NLN: variants seen among roughly 807,000 people sequenced by gnomAD.
NLN encodes the protein neurolysin, mitochondrial.
In NLN, 64 loss-of-function variants were observed where a neutral mutation model predicts 79.9. That is an observed-to-expected ratio of 0.80 (90% confidence interval 0.65 to 0.99). NLN has a LOEUF of 0.99. Among genes scored for constraint, NLN ranks in the 50% least tolerant of loss-of-function variants. The probability of loss-of-function intolerance (pLI) is 0.00; values close to 1 mark genes in which losing one functional copy is unlikely to be tolerated. For missense variants in NLN, 835 were observed against 858.7 expected (o/e 0.97, Z 0.34); for synonymous variants, 267 against 296.6 (o/e 0.90, Z 1.02).
At chr5:65,789,941 T>C (rs1046378313) in intron 8 of NLN, among the ~76,000 whole-genome samples, 3 of 152,206 alleles carry the variant, frequency 2.0e-5, no homozygotes, top group African/African-American at 4.8e-5. Flanking sequence ...TGTTTCTTCC[T>C]CTGTAATATG....
At chr5:65,746,674 CAT>C (rs1758986810) in intron 1 of NLN, among the ~76,000 whole-genome samples, 2 of 152,220 alleles carry the variant, frequency 1.3e-5, no homozygotes, top group African/African-American at 2.4e-5. Flanking sequence ...TACTCCAGCA[CAT>C]GTGTGTATAA....
At chr5:65,770,084 A>G (rs936092175) in intron 3 of NLN, among the ~76,000 whole-genome samples, 1 of 152,248 alleles carries the variant, frequency 6.6e-6, no homozygotes, top group African/African-American at 2.4e-5. Flanking sequence ...AAGTCATAAA[A>G]GACTAGAGCT....
At chr5:65,769,676 A>T (rs770228115) in intron 3 of NLN, among the ~76,000 whole-genome samples, 1 of 152,210 alleles carries the variant, frequency 6.6e-6, no homozygotes, top group Non-Finnish European at 1.5e-5. Context: ...ACTGCCTTAC[A>T]TTTGTGTAGC....
In NLN at chr5:65,827,279, A is replaced by G. The variant is rs754679431; in HGVS notation, c.*4364A>G. On this transcript the variant is annotated 3_prime_UTR_variant, in exon 13 of 13. Coordinates refer to ENST00000380985, the MANE Select transcript of NLN (RefSeq NM_020726.5). ...CCTTTCCTGAGAAAATACAGGTTCAACACATCTAGTCCACGATGTACGTAC... is the reference window on the plus strand; with the variant it reads ...CCTTTCCTGAGAAAATACAGGTTCAGCACATCTAGTCCACGATGTACGTAC... 7 of 152,180 alleles carry G rather than the reference A, an allele frequency of 4.6e-5. No homozygotes were observed. The highest frequency in any genetic ancestry group is 7.3e-5 in the Non-Finnish European group (5 of 68,042). 9.4% of individuals were successfully genotyped at this position (152,180 alleles called of 1,614,324 possible). A position where few individuals can be genotyped will look rare whatever the true frequency, so the allele number is the denominator to read the frequency against.
At chr5:65,779,808 T>A (rs1759759817) in intron 4 of NLN, among the ~76,000 whole-genome samples, 1 of 152,234 alleles carries the variant, frequency 6.6e-6, no homozygotes, top group Admixed American at 6.5e-5. Context: ...TGCAGAAACC[T>A]GTTTTATCAA....
chr5:65,786,369 A>G lies in NLN; in HGVS notation c.958+459A>G, dbSNP rs569631230. 3.3e-5 allele frequency among the ~76,000 whole-genome samples: 5 copies of G among 152,176 alleles called. No individual in the cohort carries two copies. In the South Asian group the frequency reaches 8.3e-4, roughly 25 times the overall value. ...ACAAAACTAATATAAAATAATATAC[A>G]TAAAACTAGTATCTAATAACTAATA... On this transcript the variant is annotated intron_variant, in intron 7 of 12. Transcript: ENST00000380985.
chr5:65,820,467 G>A (rs563979033), intron 12 of NLN, among the ~76,000 whole-genome samples: 30 of 152,218 alleles, frequency 2.0e-4, no homozygotes, highest in South Asian at 4.1e-4. Context: ...CGTTCTTCCT[G>A]TACTGCTCTA....
chr5:65,733,668 T>C, intron 1 of NLN: 1 of 1,462,692 alleles, frequency 6.8e-7, no homozygotes, highest in Admixed American at 1.7e-5. Context: ...AAGGCCTGAT[T>C]AGTGGGATGG....
chr5:65,727,705 C>T (rs979772499), intron 1 of NLN, among the ~76,000 whole-genome samples: 5 of 152,090 alleles, frequency 3.3e-5, no homozygotes, highest in African/African-American at 1.2e-4. Flanking sequence ...CAATATTTAG[C>T]CGAAACAATA....
At chr5:65,800,358 A>T (rs1468474887) in intron 9 of NLN, among the ~76,000 whole-genome samples, 1 of 152,210 alleles carries the variant, frequency 6.6e-6, no homozygotes, top group East Asian at 1.9e-4. Flanking sequence ...AGTACATTTT[A>T]GACATCCTAT....
At chr5:65,817,267 G>T (rs1318053165) in intron 12 of NLN, among the ~76,000 whole-genome samples, 2 of 152,032 alleles carry the variant, frequency 1.3e-5, no homozygotes, top group Admixed American at 1.3e-4. Flanking sequence ...TAATTACTTT[G>T]TTATATATTA....
At chr5:65,802,548 C>T (rs1435867912) in intron 9 of NLN, among the ~76,000 whole-genome samples, 1 of 152,212 alleles carries the variant, frequency 6.6e-6, no homozygotes, top group Non-Finnish European at 1.5e-5. Flanking sequence ...CACAGCATGG[C>T]GAGCAAGGGG....
chr5:65,767,225 G>T (rs746777033), intron 3 of NLN, among the ~76,000 whole-genome samples: 1 of 152,160 alleles, frequency 6.6e-6, no homozygotes, highest in Non-Finnish European at 1.5e-5. Context: ...CTCTGCCCCC[G>T]CAGCAGACTT....
chr5:65,757,975 G>A (rs188121354), intron 1 of NLN, among the ~76,000 whole-genome samples: 48 of 152,270 alleles, frequency 3.2e-4, no homozygotes, highest in African/African-American at 1.1e-3. Context: ...GCTCACACCT[G>A]TAATCCCAGT....
chr5:65,800,667 T>TTTATTTATTTAC (rs1760266836), intron 9 of NLN, among the ~76,000 whole-genome samples: 1 of 80,698 alleles, frequency 1.2e-5, no homozygotes, highest in African/African-American at 3.2e-5. Flanking sequence ...AACTCTCTTA[T>TTTATTTATTTAC]TTATTTATTT....
chr5:65,725,252 G>A lies in NLN; in HGVS notation c.41+2838G>A, dbSNP rs555918639. Reference sequence around the variant, plus strand: ...AAATCCCACCTCACAGTCATATGAAGTTGGAAAGAAGAATATTTTAATAGC... The same window carrying A: ...AAATCCCACCTCACAGTCATATGAAATTGGAAAGAAGAATATTTTAATAGC... On this transcript the variant is annotated intron_variant, in intron 1 of 12. Transcript: ENST00000380985. 2.6e-5 allele frequency among the ~76,000 whole-genome samples: 4 copies of A among 152,330 alleles called. 1 individual carries two copies. The highest frequency in any genetic ancestry group is 9.6e-5 in the African/African-American group (4 of 41,576).
chr5:65,803,221 C>G (rs1185657477), intron 9 of NLN, among the ~76,000 whole-genome samples: 1 of 152,184 alleles, frequency 6.6e-6, no homozygotes, highest in African/African-American at 2.4e-5. Context: ...TGGGGCTTCA[C>G]CAGGGACCCA....
At position 65,822,887 on chromosome 5, in the gene NLN, T is replaced by G; in HGVS notation, c.2087T>G (p.Leu696Arg). The G allele has an allele frequency of 6.2e-7, 1 of 1,613,652 alleles. No homozygotes were observed. ...LKREPNQKAF[L>R]MSRGLHAP ...CGTGAGCCAAACCAAAAAGCGTTCC[T>G]AATGAGTAGAGGCCTGCATGCTCCG... Residue 696 changes from leucine to arginine, a missense_variant, in exon 13 of 13, where the codon CTA (leucine) becomes CGA (arginine). Transcript: ENST00000380985.
At position 65,725,969 on chromosome 5, in the gene NLN, G is replaced by A. The variant is rs191203032; in HGVS notation, c.41+3555G>A. Among the ~76,000 whole-genome samples the A allele has an allele frequency of 1.9e-3, 292 of 152,208 alleles. 2 individuals carry two copies. The East Asian group carries it at 0.032, about 17-fold the overall frequency. On this transcript the variant is annotated intron_variant, in intron 1 of 12. Coordinates refer to ENST00000380985, the MANE Select transcript of NLN (RefSeq NM_020726.5). ...CTACTGAAAATACAAAAAATTAGCC[G>A]GGCGTGGTGGCGGGCGCCTGTAGTC...
Sources: gnomAD v4.1 joint callset for allele counts (sites outside exome capture counted in the v4.1 genomes callset) on GRCh38, gnomAD v4.1.1 for gene constraint, MANE v1.5 for transcripts, NCBI Gene and HGNC (gene_info 2026-07-23, HGNC 2026-07-21) for gene names.